ARL10: variants seen among roughly 807,000 people sequenced by gnomAD.
ARL10 encodes ADP-ribosylation factor-like protein 10.
ARL10 carries 23 observed loss-of-function variants against 26.1 expected under a neutral mutation model. That is an observed-to-expected ratio of 0.88 (90% confidence interval 0.63 to 1.25). The LOEUF (loss-of-function observed/expected upper bound fraction) is 1.25. Among genes scored for constraint, ARL10 ranks in the 50% most tolerant of loss-of-function variants. ARL10 has a pLI of 0.00. For missense variants in ARL10, 300 were observed against 323.6 expected, an observed-to-expected ratio of 0.93 and a Z score of 0.56; for synonymous variants, 138 against 149.1, an observed-to-expected ratio of 0.93 and a Z score of 0.54.
the ARL10 span, chr5:176,410,429 C>T: frequency 7.3e-6 from 5 of 684,460 alleles, no homozygotes. Flanking sequence ...CACATGCAAA[C>T]AGACATAATG....
chr5:176,386,968 T>C, intron 1 of ARL10: 1 of 1,432,630 alleles, frequency 7.0e-7, no homozygotes, highest in Non-Finnish European at 9.9e-7. Context: ...AGTTATAGAC[T>C]CCTGCTTATC....
At chr5:176,396,932 A>G (rs1266132432) in intron 1 of ARL10, among the ~76,000 whole-genome samples, 1 of 151,772 alleles carries the variant, frequency 6.6e-6, no homozygotes, top group East Asian at 1.9e-4. Flanking sequence ...CCAGGTCTAG[A>G]ATGCCCCCCT....
the ARL10 span, among the ~76,000 whole-genome samples, chr5:176,411,661 G>A: frequency 6.6e-6 from 1 of 152,126 alleles, no homozygotes; most frequent in Non-Finnish European, 1.5e-5. Flanking sequence ...CATCCATGAT[G>A]AGGCCCACCT....
At chr5:176,388,490 A>C in exon 2 of ARL10, 1 of 1,614,162 alleles carries the variant, frequency 6.2e-7, no homozygotes, top group Non-Finnish European at 8.5e-7. Flanking sequence ...CTTTCGGTTG[A>C]CACTGTAACC....
downstream of ARL10, among the ~76,000 whole-genome samples, chr5:176,392,303 C>T (rs1201093523): frequency 6.6e-6 from 1 of 152,200 alleles, no homozygotes; most frequent in African/African-American, 2.4e-5. This position sits in a 1 kb window ranked among gnomAD's most constrained non-coding sequence, Gnocchi z 5.2. Flanking sequence ...AAGCATTCTG[C>T]GAGAGGCTGT....
rs1768587139 is a variant in ARL10 at position 176,372,852 on chromosome 5, T to G, written c.*957T>G. 1 of 398,832 alleles carries G rather than the reference T, an allele frequency of 2.5e-6. No homozygotes were observed. Among genetic ancestry groups the G allele is most frequent in the Non-Finnish European group, 4.4e-6 (1 of 226,060 alleles). The allele number at this position is 398,832 out of a possible 1,614,324, so 24.7% of individuals were successfully genotyped here. A position where few individuals can be genotyped will look rare whatever the true frequency, so the allele number is the denominator to read the frequency against. The stretch of plus-strand genomic sequence containing the variant: ...AGTTCTAGGCTCTGTTTCTAGGTGC[T>G]GTTTTCAAAACCCCAGATGACAGTC... On this transcript the variant is annotated 3_prime_UTR_variant, in exon 4 of 4. Transcript: ENST00000310389.
At chr5:176,383,017 G>A (rs748668226), downstream of ARL10, among the ~76,000 whole-genome samples, 11 of 152,136 alleles carry the variant, frequency 7.2e-5, no homozygotes, top group Non-Finnish European at 1.3e-4. Context: ...GGGGGCTTCT[G>A]GGACTCTCCC....
At chr5:176,369,240 G>GTTT in intron 3 of ARL10, 4 of 1,268,430 alleles carry the variant, frequency 3.2e-6, no homozygotes, top group East Asian at 3.4e-5. Context: ...TTTTGTTTTT[G>GTTT]TTTTTTTTTT....
At chr5:176,385,437 C>T (rs1449691107), downstream of ARL10, 2 of 692,658 alleles carry the variant, frequency 2.9e-6, no homozygotes, top group African/African-American at 1.8e-5. Context: ...ACCCACCACA[C>T]CAACCACCTG....
At position 176,393,766 on chromosome 5, in the gene ARL10, C is replaced by T. The variant is rs1314265285; in HGVS notation, c.134-7975C>T. Among the ~76,000 whole-genome samples the T allele has an allele frequency of 6.6e-6, 1 of 152,168 alleles. No individual in the cohort carries two copies. The highest frequency in any genetic ancestry group is 2.4e-5 in the African/African-American group (1 of 41,446). The stretch of plus-strand genomic sequence containing the variant: ...GGTTGACAGTCACAGAAGCCACTGA[C>T]TAAGGGACAGTGGGGAAACAAGTAA... On this transcript the variant is annotated intron_variant, in intron 1 of 1. Transcript: ENST00000514533. The surrounding 1 kb of genome is among the most constrained non-coding windows in gnomAD (Gnocchi z 4.4).
At chr5:176,401,821 C>G in exon 2 of ARL10, 1 of 454,758 alleles carries the variant, frequency 2.2e-6, no homozygotes. Flanking sequence ...TTGATTTCTC[C>G]TTCCTTCCCA....
intron 1 of ARL10, chr5:176,388,122 A>C (rs1365295636): frequency 1.3e-6 from 1 of 781,370 alleles, no homozygotes; most frequent in East Asian, 2.6e-5. Flanking sequence ...GGGAGGTCGA[A>C]AACTCGGAAG....
At position 176,372,918 on chromosome 5, in the gene ARL10, A is replaced by T; in HGVS notation, c.*1023A>T. 5.0e-6 allele frequency: 2 copies of T among 398,708 alleles called. No homozygotes were observed. The highest frequency in any genetic ancestry group is 8.8e-6 in the Non-Finnish European group (2 of 226,078). 24.7% of individuals were successfully genotyped at this position (398,708 alleles called of 1,614,324 possible). A position where few individuals can be genotyped will look rare whatever the true frequency, so the allele number is the denominator to read the frequency against. ...CTTAGGAAAATAGCTGGAATCATGAATGACAATGAGATAACATACAGATGT... is the reference window on the plus strand; with the variant it reads ...CTTAGGAAAATAGCTGGAATCATGATTGACAATGAGATAACATACAGATGT... On this transcript the variant is annotated 3_prime_UTR_variant, in exon 4 of 4. Transcript: ENST00000310389.
At chr5:176,384,440 G>C, downstream of ARL10, 1 of 1,502,520 alleles carries the variant, frequency 6.7e-7, no homozygotes, top group Non-Finnish European at 9.0e-7. Flanking sequence ...AACTCATCCT[G>C]AATTAGGCAA....
intron 1 of ARL10, 57 bp downstream of exon 1, chr5:176,365,803 C>T (rs1768266735): frequency 8.1e-7 from 1 of 1,230,032 alleles, no homozygotes; most frequent in African/African-American, 1.6e-5. Flanking sequence ...CGACTCCGCG[C>T]ATGTGGCCAA....
chr5:176,403,040 C>G (rs1411863879), downstream of ARL10, among the ~76,000 whole-genome samples: 1 of 150,700 alleles, frequency 6.6e-6, no homozygotes, highest in East Asian at 1.9e-4. Context: ...CTCCATAAAG[C>G]CTGCCCTAAT....
At chr5:176,389,102 C>G, downstream of ARL10, 2 of 1,232,606 alleles carry the variant, frequency 1.6e-6, no homozygotes, top group East Asian at 2.4e-5. Context: ...GGGGGCGGGG[C>G]GGTGAGGGGC....
chr5:176,371,837 C>A lies in ARL10; in HGVS notation c.677C>A (p.Thr226Asn). ...LAASIAPAGP[T>N]FEEPGTVHIW... ...GCCAGCATTGCCCCTGCAGGACCCA[C>A]CTTTGAAGAGCCTGGCACCGTGCAC... is the stretch of plus-strand genomic sequence containing the variant. Residue 226 changes from threonine (T) to asparagine (N), a missense_variant, in exon 4 of 4, where the codon ACC becomes AAC. By Grantham distance (65) the Thr-to-Asn change is moderately conservative (BLOSUM62 0). Coordinates refer to ENST00000310389, the MANE Select transcript of ARL10 (RefSeq NM_173664.6). 1 of 1,614,206 alleles carries A rather than the reference C, an allele frequency of 6.2e-7. No individual in the cohort carries two copies. Among genetic ancestry groups the A allele is most frequent in the Non-Finnish European group, 8.5e-7 (1 of 1,180,042 alleles).
chr5:176,397,992 G>A (rs1310406740), intron 1 of ARL10: 1 of 1,614,118 alleles, frequency 6.2e-7, no homozygotes, highest in South Asian at 1.1e-5. Flanking sequence ...AGGCTCCTGG[G>A]TCAGCCTGTC....
Sources: allele counts gnomAD v4.1 joint callset (sites outside exome capture counted in the v4.1 genomes callset), GRCh38; gene constraint gnomAD v4.1.1; non-coding constraint Gnocchi (gnomAD v3.1); transcripts MANE v1.5; gene names NCBI Gene and HGNC (gene_info 2026-07-23, HGNC 2026-07-21).